Variants in PCSK5 observed in about 807,000 individuals in gnomAD.
PCSK5 encodes proprotein convertase subtilisin/kexin type 5, also known as prohormone convertase 5.
A neutral mutation model predicts 233.2 loss-of-function variants in PCSK5; 129 were observed. The ratio of observed to expected loss-of-function variants is 0.55; its 90% CI spans 0.48 to 0.64. The LOEUF is 0.64. Ranked by LOEUF, PCSK5 falls within the 30% of genes least tolerant of loss-of-function variation. PCSK5 has a pLI of 0.00. For missense variants in PCSK5, 2,076 were observed against 2,430.1 expected, an observed-to-expected ratio of 0.85 and a Z score of 3.06; for synonymous variants, 825 against 879.2, an observed-to-expected ratio of 0.94 and a Z score of 1.09.
At position 76,185,498 on chromosome 9, in the gene PCSK5, C is replaced by T. The variant is rs140690788; in HGVS notation, c.2282+741C>T. On this transcript the variant is annotated intron_variant, in intron 17 of 37. Coordinates refer to ENST00000674117, the MANE Select transcript of PCSK5 (RefSeq NM_001372043.1). ...CACCTGTGATTGGAGGTAAACTAGG[C>T]AGGGTCCAGGCAGTTTCCAGGCAGG... 1.3e-3 allele frequency among the ~76,000 whole-genome samples: 192 copies of T among 152,294 alleles called. 1 individual carries two copies. Among genetic ancestry groups the T allele is most frequent in the Non-Finnish European group, 1.9e-3 (129 of 68,024 alleles).
chr9:76,267,153 A>T (rs1437666062), intron 24 of PCSK5, among the ~76,000 whole-genome samples: 1 of 152,202 alleles, frequency 6.6e-6, no homozygotes, highest in Non-Finnish European at 1.5e-5. Context: ...GCAAGGCTAA[A>T]GGGCCACCAG....
Position 76,362,851 on chromosome 9 carries a change from C to G in PCSK5, c.*3929C>G, listed in dbSNP as rs1286450138. ...TGCTTGCTCAATCGATCATGACCCT[C>G]TCACGTGGACCCCCTTAGAGTTGTG... On this transcript the variant is annotated 3_prime_UTR_variant, in exon 38 of 38. Transcript: ENST00000674117. 6.6e-6 allele frequency among the ~76,000 whole-genome samples: 1 copy of G among 152,204 alleles called. No individual in the cohort carries two copies. Among genetic ancestry groups the G allele is most frequent in the African/African-American group, 2.4e-5 (1 of 41,454 alleles).
At chr9:76,194,623 A>T in intron 20 of PCSK5, 1 of 342,764 alleles carries the variant, frequency 2.9e-6, no homozygotes, top group South Asian at 2.4e-5. Context: ...TTTAAGAAAT[A>T]TTTTCACTGG....
intron 2 of PCSK5, among the ~76,000 whole-genome samples, chr9:75,969,372 A>G (rs2131361260): frequency 6.6e-6 from 1 of 152,240 alleles, no homozygotes; most frequent in South Asian, 2.1e-4. Flanking sequence ...TGGAGAGTAG[A>G]GAGGAGGGGG....
intron 28 of PCSK5, among the ~76,000 whole-genome samples, chr9:76,302,959 C>CT (rs10552673): frequency 0.06 from 5,174 of 85,616 alleles, 3 homozygotes; most frequent in East Asian, 0.11. Flanking sequence ...CAAAGTGGTT[C>CT]TTTTTTTTTT....
rs537753106 is a variant in PCSK5 at position 76,173,065 on chromosome 9, A to G, written c.1757-1921A>G. The stretch of plus-strand genomic sequence containing the variant: ...GGAATTGGAGTATGTTTTAATACCA[A>G]TCTGTCCTCTTATTGCCTTTGAGGA... On this transcript the variant is annotated intron_variant, in intron 13 of 37. Transcript: ENST00000674117. Among the ~76,000 whole-genome samples, 4 of 152,320 alleles carry G rather than the reference A, an allele frequency of 2.6e-5. No homozygotes were observed. The South Asian group carries it at 6.2e-4, about 24-fold the overall frequency.
intron 5 of PCSK5, among the ~76,000 whole-genome samples, chr9:76,056,613 T>C (rs555909268): frequency 5.3e-5 from 8 of 152,308 alleles, no homozygotes; most frequent in Admixed American, 6.5e-5. Flanking sequence ...TTGTTAGTAG[T>C]AGATGATAAA....
intron 24 of PCSK5, among the ~76,000 whole-genome samples, chr9:76,279,943 T>G (rs546530729): frequency 6.6e-6 from 1 of 152,192 alleles, no homozygotes; most frequent in African/African-American, 2.4e-5. Context: ...CAATTTTGTC[T>G]TTTGTTGCCA....
chr9:76,034,586 C>T (rs1261811201), intron 5 of PCSK5, among the ~76,000 whole-genome samples: 1 of 152,110 alleles, frequency 6.6e-6, no homozygotes, highest in African/African-American at 2.4e-5. Context: ...CCACCATCTA[C>T]ACTTGGAGAA....
At chr9:76,136,247 C>T (rs1822972414) in intron 10 of PCSK5, among the ~76,000 whole-genome samples, 1 of 151,840 alleles carries the variant, frequency 6.6e-6, no homozygotes, top group African/African-American at 2.4e-5. Context: ...AAGTTATTCT[C>T]TACTCTAAAC....
chr9:76,258,870 G>A (rs946188696), intron 24 of PCSK5, among the ~76,000 whole-genome samples: 67 of 152,168 alleles, frequency 4.4e-4, no homozygotes, highest in African/African-American at 1.0e-3. Context: ...GAACCATGAA[G>A]TCAGTAACAA....
Position 76,109,836 on chromosome 9 carries a change from G to A in PCSK5, c.1208+2485G>A, listed in dbSNP as rs577535479. On this transcript the variant is annotated intron_variant, in intron 9 of 37. Transcript: ENST00000674117. The stretch of plus-strand genomic sequence containing the variant: ...TGAAGCTGAAAATCACGGGAAAGAC[G>A]TGTGAGTACTAAAAGGGTGGGTCAG... Among the ~76,000 whole-genome samples, 14 of 152,286 alleles carry A rather than the reference G, an allele frequency of 9.2e-5. No individual in the cohort carries two copies. In the East Asian group the frequency reaches 9.6e-4, roughly 10 times the overall value.
chr9:76,126,168 TG>T (rs1832842605), intron 9 of PCSK5, among the ~76,000 whole-genome samples: 1 of 139,556 alleles, frequency 7.2e-6, no homozygotes, highest in Non-Finnish European at 1.5e-5. Flanking sequence ...GATTTTTTCC[TG>T]CGTGTGTGTG....
chr9:75,953,752 G>A (rs1307991777), intron 2 of PCSK5, among the ~76,000 whole-genome samples: 1 of 151,868 alleles, frequency 6.6e-6, no homozygotes, highest in African/African-American at 2.4e-5. Flanking sequence ...CCACAGAAGT[G>A]TTTTAAGCAC....
chr9:75,967,681 G>C (rs1174088434), intron 2 of PCSK5, among the ~76,000 whole-genome samples: 1 of 152,156 alleles, frequency 6.6e-6, no homozygotes, highest in African/African-American at 2.4e-5. Context: ...GGACCAAGGG[G>C]ATTCCTCTGT....
At chr9:76,104,810 A>AT (rs1466078828) in intron 8 of PCSK5, among the ~76,000 whole-genome samples, 1 of 144,068 alleles carries the variant, frequency 6.9e-6, no homozygotes, top group African/African-American at 2.6e-5. Context: ...TTGAAAAAAA[A>AT]TAAAACTTGG....
chr9:76,252,184 C>T (rs921941035), intron 24 of PCSK5, among the ~76,000 whole-genome samples: 6 of 152,098 alleles, frequency 3.9e-5, no homozygotes, highest in African/African-American at 1.4e-4. Context: ...AGGAGAAAGG[C>T]GTGAACCTGG....
At chr9:76,310,247 CAA>C (rs766099144) in intron 29 of PCSK5, among the ~76,000 whole-genome samples, 8 of 110,448 alleles carry the variant, frequency 7.2e-5, no homozygotes, top group Non-Finnish European at 5.8e-5. Flanking sequence ...GACTCCTTCT[CAA>C]AAAAAAAAAA....
rs377683045 is a variant in PCSK5, at chr9:76,289,497, A to G, written c.3143-2736A>G. ...CACACACACACACACACACACACAC[A>G]CACACACACACACGCAACATACACA... On this transcript the variant is annotated intron_variant, in intron 24 of 37. Transcript: ENST00000674117. Among the ~76,000 whole-genome samples the G allele has an allele frequency of 9.6e-3, 947 of 98,942 alleles. 3 individuals are homozygous for G. The highest frequency in any genetic ancestry group is 0.012 in the Non-Finnish European group (550 of 44,840). The allele number at this position is 98,942 out of a possible 152,430, so 64.9% of individuals were successfully genotyped here.
Sources: allele counts gnomAD v4.1 joint callset (sites outside exome capture counted in the v4.1 genomes callset), GRCh38; gene constraint gnomAD v4.1.1; transcripts MANE v1.5; gene names NCBI Gene and HGNC (gene_info 2026-07-23, HGNC 2026-07-21).